Variants in GOLGB1 observed in about 807,000 individuals in gnomAD.
GOLGB1 encodes golgin B1.
In GOLGB1, 174 loss-of-function variants were observed where a neutral mutation model predicts 336.9. The ratio of observed to expected loss-of-function variants is 0.52; its 90% CI spans 0.46 to 0.59. The LOEUF (loss-of-function observed/expected upper bound fraction) is 0.59, where lower values mean the gene tolerates loss of function less well. Ranked by LOEUF, GOLGB1 falls within the 20% of genes least tolerant of loss-of-function variation. GOLGB1 has a pLI of 0.00. For synonymous variants in GOLGB1, 1,208 were observed against 1,289.2 expected (o/e 0.94, Z 1.35); for missense variants, 3,331 against 3,645.3 (o/e 0.91, Z 2.22).
At chr3:121,741,473 G>A (rs1186509133) in intron 1 of GOLGB1, among the ~76,000 whole-genome samples, 6 of 152,068 alleles carry the variant, frequency 3.9e-5, no homozygotes, top group South Asian at 2.1e-4. Flanking sequence ...TGTTGTCTAC[G>A]GCCATACCAT....
rs13062428 is a variant in GOLGB1 at position 121,746,799 on chromosome 3, A to T, written c.-3+2833T>A. Among the ~76,000 whole-genome samples the T allele has an allele frequency of 5.2e-3, 797 of 152,104 alleles. 4 individuals carry two copies. The highest frequency in any genetic ancestry group is 8.5e-3 in the Non-Finnish European group (577 of 67,990). The stretch of plus-strand genomic sequence containing the variant: ...CCGGCCTAACTCACTTTATTCTTAA[A>T]ACAACCGCAAGAGGGAGTACCGTCA... On this transcript the variant is annotated intron_variant, in intron 1 of 21. Coordinates refer to ENST00000614479, the MANE Select transcript of GOLGB1 (RefSeq NM_001366282.2).
In GOLGB1 at chr3:121,684,801, A is replaced by T. The variant is rs189987555; in HGVS notation, c.8695-2936T>A. Reference sequence around the variant, plus strand: ...CTGAATGATTTATTCCAGGAAAAAGATGGCACAAAACCAAGAAAAGGAATA... The same window carrying T: ...CTGAATGATTTATTCCAGGAAAAAGTTGGCACAAAACCAAGAAAAGGAATA... On this transcript the variant is annotated intron_variant, in intron 14 of 21. Coordinates refer to ENST00000614479, the MANE Select transcript of GOLGB1 (RefSeq NM_001366282.2). 1.6e-4 allele frequency among the ~76,000 whole-genome samples: 25 copies of T among 152,332 alleles called. No individual in the cohort carries two copies. In the East Asian group the frequency reaches 4.8e-3, roughly 29 times the overall value.
At position 121,698,643 on chromosome 3, in the gene GOLGB1, A is replaced by G. The variant is rs1340985827; in HGVS notation, c.1880T>C (p.Phe627Ser). 1 of 1,613,894 alleles carries G rather than the reference A, an allele frequency of 6.2e-7. No individual in the cohort carries two copies. Among genetic ancestry groups the G allele is most frequent in the East Asian group, 2.2e-5 (1 of 44,876 alleles). Reference sequence around the variant, plus strand: ...GCTCTCTTCATTTGGCATTAAGGGAAAATCTTGCCCTGTATCTTCAAGAAA... The same window carrying G: ...GCTCTCTTCATTTGGCATTAAGGGAGAATCTTGCCCTGTATCTTCAAGAAA... Reference protein sequence around the residue: ...KVFLEDTGQDFPLMPNEESSL... With the variant: ...KVFLEDTGQDSPLMPNEESSL... Residue 627 changes from phenylalanine to serine, a missense_variant, in exon 13 of 22, where the codon TTT (phenylalanine) becomes TCT (serine). Phe to Ser is a radical substitution (Grantham distance 155). Transcript: ENST00000614479.
In GOLGB1 at chr3:121,694,371, T is replaced by C. The variant is rs762014005; in HGVS notation, c.6152A>G (p.Glu2051Gly). Reference sequence around the variant, plus strand: ...TTTTTGAGATTCAGTTTGAACAAATTCTAGAGCTTTAACAGTTCTCTCCAG... The same window carrying C: ...TTTTTGAGATTCAGTTTGAACAAATCCTAGAGCTTTAACAGTTCTCTCCAG... ...SALERTVKAL[E>G]FVQTESQKDL... The change falls in exon 13 of 22, where the codon GAA becomes GGA. Residue 2051 changes from glutamate (E) to glycine (G), a missense_variant. Glu to Gly is a moderately conservative substitution (Grantham distance 98). Transcript: ENST00000614479. 60 of 1,613,412 alleles carry C rather than the reference T, an allele frequency of 3.7e-5. No individual in the cohort carries two copies. The highest frequency in any genetic ancestry group is 5.1e-5 in the Non-Finnish European group (60 of 1,179,894).
In GOLGB1 at chr3:121,683,053, A is replaced by ATTTTTTTTTTTTTTTTTTTTTT. The variant is rs746649684; in HGVS notation, c.8695-1210_8695-1189dup. Among the ~76,000 whole-genome samples, 81 of 82,496 alleles carry ATTTTTTTTTTTTTTTTTTTTTT rather than the reference A, an allele frequency of 9.8e-4. 12 individuals carry two copies. The highest frequency in any genetic ancestry group is 1.3e-3 in the Non-Finnish European group (53 of 41,534). 54.1% of individuals were successfully genotyped at this position (82,496 alleles called of 152,430 possible). ...GCTGCTTAAGAAGCAATTTCTTTTAATTTTTTTTTTTTTTTTTTTTTTTTT... is the reference window on the plus strand; with the variant it reads ...GCTGCTTAAGAAGCAATTTCTTTTAATTTTTTTTTTTTTTTTTTTTTTTTTTTTTTTTTTTTTTTTTTTTTTT... On this transcript the variant is annotated intron_variant, in intron 14 of 21. Transcript: ENST00000614479.
chr3:121,730,305 G>A (rs999527098), intron 2 of GOLGB1: 7 of 265,492 alleles, frequency 2.6e-5, no homozygotes, highest in African/African-American at 1.1e-4. Context: ...AGGGTAAAAG[G>A]CCAAAAGTTA....
intron 14 of GOLGB1, among the ~76,000 whole-genome samples, chr3:121,688,960 G>C (rs1177470098): frequency 6.6e-6 from 1 of 151,642 alleles, no homozygotes; most frequent in Non-Finnish European, 1.5e-5. Context: ...CAACCACCCC[G>C]TCTGGGAAGT....
chr3:121,664,396 G>C lies in GOLGB1; in HGVS notation c.*84C>G. Reference sequence around the variant, plus strand: ...GAGAAGACCTGTAAATGGGAAGACTGTTCCACTGGAATTGATGTTCTGATG... The same window carrying C: ...GAGAAGACCTGTAAATGGGAAGACTCTTCCACTGGAATTGATGTTCTGATG... On this transcript the variant is annotated 3_prime_UTR_variant, in exon 22 of 22. Coordinates refer to ENST00000614479, the MANE Select transcript of GOLGB1 (RefSeq NM_001366282.2). 8.3e-7 allele frequency: 1 copy of C among 1,202,680 alleles called. No homozygotes were observed. The highest frequency in any genetic ancestry group is 1.2e-6 in the Non-Finnish European group (1 of 810,538). The allele number at this position is 1,202,680 out of a possible 1,614,324, so 74.5% of individuals were successfully genotyped here.
Position 121,696,083 on chromosome 3 carries a change from ACTTT to A in GOLGB1, c.4436_4439del (p.Glu1479ValfsTer22). 6.2e-7 allele frequency: 1 copy of A among 1,613,836 alleles called. No homozygotes were observed. Among genetic ancestry groups the A allele is most frequent in the Non-Finnish European group, 8.5e-7 (1 of 1,179,944 alleles). ...TCCTTTGTATTTGTTGCTTTGCTCT[ACTTT>A]CTTCTCCAATCTCTTCTGGTTTTTG... On this transcript the variant is annotated frameshift_variant, in exon 13 of 22. Transcript: ENST00000614479. LOFTEE classifies it high-confidence loss of function.
chr3:121,685,565 AT>A (rs1941633544), intron 14 of GOLGB1, among the ~76,000 whole-genome samples: 2 of 151,690 alleles, frequency 1.3e-5, no homozygotes, highest in Non-Finnish European at 2.9e-5. Flanking sequence ...AAATAAATAA[AT>A]AAATAAATAA....
At position 121,729,305 on chromosome 3, in the gene GOLGB1, T is replaced by C. The variant is rs1324078985; in HGVS notation, c.285A>G (p.Lys95=). ...ATTTGGCCTTCGCATGAAGTTTTAG[T>C]TTTTTAATTTTGTTATCAGCAGCTT... is the stretch of plus-strand genomic sequence containing the variant. The part of the protein sequence containing the change: ...ERKAADNKIK[K]LKLHAKAKLT... The change falls in exon 4 of 22, where the codon AAA becomes AAG. Residue 95 remains lysine, a synonymous_variant. Transcript: ENST00000614479. 6.2e-7 allele frequency: 1 copy of C among 1,612,696 alleles called. No individual in the cohort carries two copies. The highest frequency in any genetic ancestry group is 8.5e-7 in the Non-Finnish European group (1 of 1,179,086).
Position 121,691,250 on chromosome 3 carries a change from G to GT in GOLGB1, c.8113dup (p.Thr2705AsnfsTer28). ...TAGCTCTGCCACTCTCTCTTCTGCT[G>GT]TTTCAGTTTCATTTCTCATTATCCC... On this transcript the variant is annotated frameshift_variant, in exon 14 of 22. Transcript: ENST00000614479. LOFTEE classifies it high-confidence loss of function. 6.2e-7 allele frequency: 1 copy of GT among 1,613,892 alleles called. No homozygotes were observed. The highest frequency in any genetic ancestry group is 8.5e-7 in the Non-Finnish European group (1 of 1,179,984).
At chr3:121,706,150 A>AAC (rs1366875792) in intron 10 of GOLGB1, among the ~76,000 whole-genome samples, 1 of 152,096 alleles carries the variant, frequency 6.6e-6, no homozygotes, top group Non-Finnish European at 1.5e-5. Context: ...AAAAAAAAAA[A>AAC]AATTAAAAGC....
At chr3:121,673,392 A>G (rs1315785029) in intron 17 of GOLGB1, among the ~76,000 whole-genome samples, 3 of 152,020 alleles carry the variant, frequency 2.0e-5, no homozygotes, top group Non-Finnish European at 4.4e-5. Context: ...TTTAATCAAG[A>G]TTGCTTTGGC....
At position 121,729,180 on chromosome 3, in the gene GOLGB1, C is replaced by T. The variant is rs769948699; in HGVS notation, c.402+8G>A. On this transcript the variant is annotated splice_region_variant and intron_variant, in intron 4 of 21. Coordinates refer to ENST00000614479, the MANE Select transcript of GOLGB1 (RefSeq NM_001366282.2). ...TTAGGAAATATACACTACACCCAGT[C>T]ACCATACCTTGGAAAGTTGCTCCTC... The T allele has an allele frequency of 6.3e-7, 1 of 1,598,060 alleles. No individual in the cohort carries two copies. Among genetic ancestry groups the T allele is most frequent in the Non-Finnish European group, 8.5e-7 (1 of 1,172,776 alleles).
At chr3:121,670,660 T>TTCTTGATTCCAAGTCTAGAGC (rs1939382178) in intron 17 of GOLGB1, among the ~76,000 whole-genome samples, 1 of 151,598 alleles carries the variant, frequency 6.6e-6, no homozygotes, top group African/African-American at 2.4e-5. Flanking sequence ...TCAAGTGTGG[T>TTCTTGATTCCAAGTCTAGAGC]TCTTGATTCC....
Position 121,695,678 on chromosome 3 carries a change from C to T in GOLGB1, c.4845G>A (p.Glu1615=), listed in dbSNP as rs778282395. Residue 1615 remains glutamate, a synonymous_variant, in exon 13 of 22, where the codon GAG becomes GAA. Transcript: ENST00000614479. Reference sequence around the variant, plus strand: ...GAAGAATTTCATACTCTTTTTGTAGCTCCTTGTGTTTCTCTTGCCACTCAG... The same window carrying T: ...GAAGAATTTCATACTCTTTTTGTAGTTCCTTGTGTTTCTCTTGCCACTCAG... ...ESTEWQEKHK[E]LQKEYEILLQ... The T allele has an allele frequency of 1.2e-6, 2 of 1,612,422 alleles. No individual in the cohort carries two copies. Among genetic ancestry groups the T allele is most frequent in the South Asian group, 2.2e-5 (2 of 91,074 alleles).
At chr3:121,722,486 T>C (rs1257694079) in intron 5 of GOLGB1, 108 bp from the exon 6 acceptor site, 2 of 617,028 alleles carry the variant, frequency 3.2e-6, no homozygotes. Context: ...CCTACCATAT[T>C]TCCTTCTAGT....
chr3:121,665,970 C>A (rs1938554641), intron 20 of GOLGB1, among the ~76,000 whole-genome samples: 1 of 152,218 alleles, frequency 6.6e-6, no homozygotes, highest in East Asian at 1.9e-4. Flanking sequence ...GAGAGCCAGG[C>A]TGACTAAAAA....
Sources: gnomAD v4.1 joint callset for allele counts (sites outside exome capture counted in the v4.1 genomes callset) on GRCh38, gnomAD v4.1.1 for gene constraint, MANE v1.5 for transcripts, NCBI Gene and HGNC (gene_info 2026-07-23, HGNC 2026-07-21) for gene names.